The following SHOC1 variants were observed in gnomAD, a reference collection of about 807,000 sequenced individuals.
The protein encoded by SHOC1 is shortage in chiasmata 1.
SHOC1 carries 136 observed loss-of-function variants against 179.2 expected under a neutral mutation model. That is an observed-to-expected ratio of 0.76 (90% confidence interval 0.66 to 0.87). The LOEUF is 0.87. Ranked by LOEUF, SHOC1 falls within the 40% of genes least tolerant of loss-of-function variation. SHOC1 has a pLI of 0.00. For synonymous variants in SHOC1, 489 were observed against 586.6 expected, an observed-to-expected ratio of 0.83 and a Z score of 2.41; for missense variants, 1,538 against 1,700.8, an observed-to-expected ratio of 0.90 and a Z score of 1.68.
chr9:111,706,757 A>G lies in SHOC1; in HGVS notation c.2559-11T>C. 1 of 1,547,530 alleles carries G rather than the reference A, an allele frequency of 6.5e-7. No homozygotes were observed. The highest frequency in any genetic ancestry group is 8.7e-7 in the Non-Finnish European group (1 of 1,148,206). On this transcript the variant is annotated splice_polypyrimidine_tract_variant and intron_variant, in intron 19 of 27. Coordinates refer to ENST00000682961, the MANE Select transcript of SHOC1 (RefSeq NM_001378211.1). ...ACACAGGAACTTGTACTAAAGACAA[A>G]AGAGAGCCAAGAAAATGGCATTATA... is the stretch of plus-strand genomic sequence containing the variant.
chr9:111,758,648 T>A, intron 6 of SHOC1, 47 bp downstream of exon 6: 1 of 1,496,142 alleles, frequency 6.7e-7, no homozygotes, highest in East Asian at 2.3e-5. Flanking sequence ...ACTAAAACAT[T>A]TTCACCTCTT....
intron 5 of SHOC1, among the ~76,000 whole-genome samples, chr9:111,774,990 T>C (rs1835773522): frequency 6.6e-6 from 1 of 151,896 alleles, no homozygotes; most frequent in African/African-American, 2.4e-5. Context: ...GAATAAAATA[T>C]ACTTAAAAAA....
rs142325232 is a variant in SHOC1 at position 111,707,819 on chromosome 9, C to G, written c.2558+36G>C. 6.4e-4 allele frequency: 870 copies of G among 1,363,292 alleles called. 7 individuals carry two copies. The African/African-American group carries it at 0.011, about 18-fold the overall frequency. The allele number at this position is 1,363,292 out of a possible 1,614,324, so 84.4% of individuals were successfully genotyped here. A position where few individuals can be genotyped will look rare whatever the true frequency, so the allele number is the denominator to read the frequency against. On this transcript the variant is annotated intron_variant, in intron 19 of 27. Transcript: ENST00000682961. ...TTTTGCTTTTCCTGTGAAACTGGTA[C>G]GTTTGTTCCTCACAGATGAAGGAAT...
At chr9:111,693,315 G>GA (rs1014483303) in intron 26 of SHOC1, among the ~76,000 whole-genome samples, 5 of 128,648 alleles carry the variant, frequency 3.9e-5, no homozygotes, top group African/African-American at 1.2e-4. Context: ...CAAAAAAAAA[G>GA]AAAAAAATAC....
intron 27 of SHOC1, among the ~76,000 whole-genome samples, chr9:111,687,524 T>C (rs998968957): frequency 2.0e-5 from 3 of 152,198 alleles, no homozygotes; most frequent in African/African-American, 4.8e-5. Flanking sequence ...CTAAATTCTC[T>C]TCTAACATTT....
chr9:111,729,252 C>T (rs970469010), intron 12 of SHOC1, among the ~76,000 whole-genome samples: 1 of 105,148 alleles, frequency 9.5e-6, no homozygotes, highest in African/African-American at 3.3e-5. Flanking sequence ...CAGGTGCGTA[C>T]CACCATGCCA....
chr9:111,727,736 T>C lies in SHOC1; in HGVS notation c.1731A>G (p.Lys577=), dbSNP rs1472543041. 3.1e-6 allele frequency: 5 copies of C among 1,613,360 alleles called. No homozygotes were observed. Among genetic ancestry groups the C allele is most frequent in the African/African-American group, 1.3e-5 (1 of 74,906 alleles). Residue 577 remains lysine (K), a synonymous_variant, in exon 13 of 28, where the codon AAA becomes AAG. Transcript: ENST00000682961. The part of the protein sequence containing the change: ...IKKASFEHGK[K]QENDLDLLSD... ...TCAAAAGGTCCAAATCATTCTCTTGTTTTTTGCCATGTTCAAAAGATGCTT... is the reference window on the plus strand; with the variant it reads ...TCAAAAGGTCCAAATCATTCTCTTGCTTTTTGCCATGTTCAAAAGATGCTT...
At chr9:111,762,044 T>A (rs1835159922) in intron 5 of SHOC1, among the ~76,000 whole-genome samples, 1 of 152,188 alleles carries the variant, frequency 6.6e-6, no homozygotes, top group South Asian at 2.1e-4. Flanking sequence ...TAAGAATACA[T>A]ATTTATATAC....
At chr9:111,758,880 G>GA (rs1369802546) in intron 5 of SHOC1, 32 bp from the exon 6 acceptor site, 17 of 1,293,100 alleles carry the variant, frequency 1.3e-5, no homozygotes, top group Non-Finnish European at 1.8e-5. Flanking sequence ...AAAGGAATAA[G>GA]AAAAAAACAA....
At chr9:111,750,734 G>A (rs1259434853) in intron 8 of SHOC1, among the ~76,000 whole-genome samples, 13 of 151,996 alleles carry the variant, frequency 8.6e-5, no homozygotes, top group East Asian at 1.9e-4. Flanking sequence ...TTGTAGACTC[G>A]GGATATTAGA....
At position 111,691,277 on chromosome 9, in the gene SHOC1, G is replaced by C. The variant is rs1831409317; in HGVS notation, c.4426+274C>G. Among the ~76,000 whole-genome samples, 3 of 152,040 alleles carry C rather than the reference G, an allele frequency of 2.0e-5. No homozygotes were observed. In the South Asian group the frequency reaches 6.2e-4, roughly 32 times the overall value. ...TCACTGATTCCTCTGTTTAATCTTT[G>C]TTGATTTTAGTCTCCTGCTTTACTT... On this transcript the variant is annotated intron_variant, in intron 27 of 27. Transcript: ENST00000682961.
intron 12 of SHOC1, among the ~76,000 whole-genome samples, chr9:111,736,282 A>G (rs182923800): frequency 8.1e-4 from 124 of 152,306 alleles, no homozygotes; most frequent in African/African-American, 2.6e-3. Flanking sequence ...AAAAGAATAA[A>G]GCCAGAGGTA....
At chr9:111,762,283 A>T (rs1167430537) in intron 5 of SHOC1, among the ~76,000 whole-genome samples, 1 of 152,078 alleles carries the variant, frequency 6.6e-6, no homozygotes, top group Non-Finnish European at 1.5e-5. Context: ...ATTAAAAATT[A>T]GTCAGGCATG....
intron 5 of SHOC1, chr9:111,759,579 C>A (rs923613078): frequency 1.8e-6 from 2 of 1,087,330 alleles, no homozygotes; most frequent in Non-Finnish European, 1.1e-6. Context: ...CATAAACTTG[C>A]CCCCAATTCT....
At chr9:111,724,492 A>G (rs974490849) in intron 13 of SHOC1, among the ~76,000 whole-genome samples, 2 of 151,948 alleles carry the variant, frequency 1.3e-5, no homozygotes, top group African/African-American at 2.4e-5. Flanking sequence ...GGCATGCACC[A>G]CCATCCTGGG....
chr9:111,737,250 A>G (rs1833849633), intron 12 of SHOC1, among the ~76,000 whole-genome samples: 1 of 152,110 alleles, frequency 6.6e-6, no homozygotes, highest in Admixed American at 6.6e-5. Flanking sequence ...TGTTTGAAAC[A>G]CTCCTTGCTG....
chr9:111,691,878 G>T lies in SHOC1; in HGVS notation c.4099C>A (p.Gln1367Lys), dbSNP rs761288204. ...TGTAAGTTGAACGGGTGATTCTCTTGTTCCCATATATTTTTCTTAAAGTTC... is the reference window on the plus strand; with the variant it reads ...TGTAAGTTGAACGGGTGATTCTCTTTTTCCCATATATTTTTCTTAAAGTTC... The part of the protein sequence containing the change: ...HWNFKKNIWE[Q>K]ENHPFNLQYG... The change falls in exon 27 of 28, where the codon CAA becomes AAA. Residue 1367 changes from glutamine (Q) to lysine (K), a missense_variant. Physicochemically the swap from Gln to Lys is moderately conservative, Grantham distance 53. Coordinates refer to ENST00000682961, the MANE Select transcript of SHOC1 (RefSeq NM_001378211.1). 5 of 1,613,624 alleles carry T rather than the reference G, an allele frequency of 3.1e-6. No homozygotes were observed. The highest frequency in any genetic ancestry group is 4.2e-6 in the Non-Finnish European group (5 of 1,179,910).
chr9:111,760,525 T>C (rs1310948804), intron 5 of SHOC1, among the ~76,000 whole-genome samples: 5 of 152,098 alleles, frequency 3.3e-5, no homozygotes, highest in Non-Finnish European at 7.4e-5. Flanking sequence ...GTTTATTCTT[T>C]ACAAAGGACA....
At chr9:111,706,466 G>T in intron 20 of SHOC1, 102 bp downstream of exon 20, 2 of 823,608 alleles carry the variant, frequency 2.4e-6, no homozygotes, top group Non-Finnish European at 3.5e-6. Context: ...TGAACTCAAG[G>T]CTTCTAATGT....
Sources: allele counts gnomAD v4.1 joint callset (sites outside exome capture counted in the v4.1 genomes callset), GRCh38; gene constraint gnomAD v4.1.1; transcripts MANE v1.5; gene names NCBI Gene and HGNC (gene_info 2026-07-23, HGNC 2026-07-21).